Variants in EPB41L4A observed in about 807,000 individuals in gnomAD.
EPB41L4A encodes the protein band 4.1-like protein 4A.
In EPB41L4A, 100 loss-of-function variants were observed where a neutral mutation model predicts 108.6. The ratio of observed to expected loss-of-function variants is 0.92; its 90% CI spans 0.78 to 1.09. The LOEUF is 1.09. EPB41L4A is among the 50% of genes least tolerant of loss of function. EPB41L4A has a pLI of 0.00. For synonymous variants in EPB41L4A, 319 were observed against 289.0 expected (o/e 1.10, Z -1.05); for missense variants, 1,030 against 842.7 (o/e 1.22, Z -2.75).
rs186624771 is a variant in EPB41L4A, at chr5:112,243,107, C to T, written c.796-2297G>A. Among the ~76,000 whole-genome samples the T allele has an allele frequency of 6.1e-4, 93 of 151,536 alleles. No homozygotes were observed. In the East Asian group the frequency reaches 0.016, roughly 27 times the overall value. ...CAGGCGCCTGTAATCCCAGCTATTT[C>T]GGAGGCTGAGACAGGAGAATGGCTT... On this transcript the variant is annotated intron_variant, in intron 9 of 22. Transcript: ENST00000261486.
In EPB41L4A at chr5:112,266,330, T is replaced by C. The variant is rs1181763076; in HGVS notation, c.336A>G (p.Arg112=). ...GCTTCACCTGCAAGAAAAACTGATA[T>C]CTAAAAGAGAAACAAAAAGAGAGAT... ...DPCKLKEEIT[R]YQFFLQVKQD... is the part of the protein sequence containing the mutation. Residue 112 remains arginine (R), a splice_region_variant and synonymous_variant, in exon 5 of 23, where the codon AGA becomes AGG. Transcript: ENST00000261486. 8.8e-6 allele frequency: 14 copies of C among 1,588,992 alleles called. No individual in the cohort carries two copies. The highest frequency in any genetic ancestry group is 6.9e-5 in the South Asian group (6 of 86,866).
intron 9 of EPB41L4A, among the ~76,000 whole-genome samples, chr5:112,252,176 C>G (rs1036804433): frequency 2.0e-5 from 3 of 152,094 alleles, no homozygotes; most frequent in Non-Finnish European, 4.4e-5. Context: ...GCTGTGAACT[C>G]CTGATTTCTA....
intron 2 of EPB41L4A, among the ~76,000 whole-genome samples, chr5:112,284,724 G>A (rs575381917): frequency 1.3e-5 from 2 of 152,082 alleles, no homozygotes; most frequent in Admixed American, 6.5e-5. Context: ...CAGTCCTCTC[G>A]GACTCTGCCC....
intron 15 of EPB41L4A, among the ~76,000 whole-genome samples, chr5:112,203,321 A>ACTCCAGC (rs1245687241): frequency 6.6e-6 from 1 of 152,086 alleles, no homozygotes; most frequent in Non-Finnish European, 1.5e-5. Flanking sequence ...ATGCCACTAC[A>ACTCCAGC]CTCCAGCCTG....
At chr5:112,182,737 C>A (rs1248268621) in intron 18 of EPB41L4A, among the ~76,000 whole-genome samples, 3 of 151,850 alleles carry the variant, frequency 2.0e-5, no homozygotes, top group Non-Finnish European at 4.4e-5. Flanking sequence ...GGGTTCTGCA[C>A]CTTTTGGGTA....
At position 112,163,401 on chromosome 5, in the gene EPB41L4A, C is replaced by T. The variant is rs1211115129; in HGVS notation, c.*1589G>A. On this transcript the variant is annotated 3_prime_UTR_variant, in exon 23 of 23. Transcript: ENST00000261486. ...CAGTAGTCTAAACTACAGAAATAAA[C>T]CTTAAGGCCATGGGTATAAATGAGA... 1 of 152,140 alleles carries T rather than the reference C, an allele frequency of 6.6e-6. No individual in the cohort carries two copies. Among genetic ancestry groups the T allele is most frequent in the Non-Finnish European group, 1.5e-5 (1 of 68,026 alleles). 9.4% of individuals were successfully genotyped at this position (152,140 alleles called of 1,614,324 possible).
chr5:112,256,950 C>T (rs555578900), intron 9 of EPB41L4A: 1 of 152,194 alleles, frequency 6.6e-6, no homozygotes, highest in East Asian at 1.9e-4. Context: ...AACAACAGTA[C>T]TTATTTGGAA....
chr5:112,412,074 G>A (rs889953361), intron 1 of EPB41L4A, among the ~76,000 whole-genome samples: 13 of 152,168 alleles, frequency 8.5e-5, no homozygotes, highest in Non-Finnish European at 1.6e-4. Flanking sequence ...CTCAGAAGGT[G>A]TCGTTCCTAA....
chr5:112,352,937 GCTT>G (rs1218338860), intron 1 of EPB41L4A, among the ~76,000 whole-genome samples: 7 of 152,158 alleles, frequency 4.6e-5, no homozygotes, highest in African/African-American at 9.7e-5. Flanking sequence ...TACAGTAACA[GCTT>G]CTTCTTCCAA....
At chr5:112,308,713 A>G (rs1754848226) in intron 1 of EPB41L4A, among the ~76,000 whole-genome samples, 1 of 152,190 alleles carries the variant, frequency 6.6e-6, no homozygotes, top group Admixed American at 6.5e-5. Context: ...TCATGTACCC[A>G]TGTATTTCTC....
chr5:112,236,701 CA>C (rs1749361366), intron 11 of EPB41L4A, among the ~76,000 whole-genome samples: 3 of 152,148 alleles, frequency 2.0e-5, no homozygotes, highest in African/African-American at 7.2e-5. Flanking sequence ...TGCTGAGTGG[CA>C]CTGCCAGCAG....
chr5:112,211,968 C>T (rs377519606), intron 12 of EPB41L4A, among the ~76,000 whole-genome samples: 1 of 152,170 alleles, frequency 6.6e-6, no homozygotes, highest in African/African-American at 2.4e-5. Context: ...TGAGCAACAT[C>T]CAGAAGCCAG....
intron 1 of EPB41L4A, among the ~76,000 whole-genome samples, chr5:112,404,421 T>C (rs1350643449): frequency 2.6e-5 from 4 of 152,192 alleles, no homozygotes; most frequent in Admixed American, 6.5e-5. Flanking sequence ...TTTTTAAAAA[T>C]CTATGGCACC....
chr5:112,339,487 T>TCTATATAG (rs1561585035), intron 1 of EPB41L4A, among the ~76,000 whole-genome samples: 9 of 28,906 alleles, frequency 3.1e-4, no homozygotes, highest in Admixed American at 1.1e-3. Flanking sequence ...TATATATATA[T>TCTATATAG]ATATATATCT....
intron 1 of EPB41L4A, among the ~76,000 whole-genome samples, chr5:112,414,816 G>A (rs1762613453): frequency 6.6e-6 from 1 of 152,050 alleles, no homozygotes; most frequent in African/African-American, 2.4e-5. Flanking sequence ...ATCTTATGCG[G>A]CCACAACCTG....
At position 112,187,001 on chromosome 5, in the gene EPB41L4A, G is replaced by A. The variant is rs1761462483; in HGVS notation, c.1503-2866C>T. Among the ~76,000 whole-genome samples, 3 of 152,080 alleles carry A rather than the reference G, an allele frequency of 2.0e-5. No homozygotes were observed. In the South Asian group the frequency reaches 6.2e-4, roughly 32 times the overall value. Reference sequence around the variant, plus strand: ...AAGTCTCATTTATTCTCAGGTATGGGGGATCCAAATAGTTTTTTGCTCCTT... The same window carrying A: ...AAGTCTCATTTATTCTCAGGTATGGAGGATCCAAATAGTTTTTTGCTCCTT... On this transcript the variant is annotated intron_variant, in intron 17 of 22. Transcript: ENST00000261486.
chr5:112,415,844 G>C (rs1158127642), intron 1 of EPB41L4A, among the ~76,000 whole-genome samples: 1 of 152,146 alleles, frequency 6.6e-6, no homozygotes, highest in African/African-American at 2.4e-5. Context: ...CTCGGATAAG[G>C]TTCAAACTGT....
At chr5:112,345,304 T>A (rs1012664199) in intron 1 of EPB41L4A, among the ~76,000 whole-genome samples, 19 of 152,306 alleles carry the variant, frequency 1.2e-4, no homozygotes, top group African/African-American at 4.6e-4. Context: ...TCAACCTAAA[T>A]ATGAAATAAT....
rs10478082 is a variant in EPB41L4A at position 112,372,515 on chromosome 5, A to T, written c.99+46426T>A. On this transcript the variant is annotated intron_variant, in intron 1 of 22. Coordinates refer to ENST00000261486, the MANE Select transcript of EPB41L4A (RefSeq NM_022140.5). ...GATAGCTGAACTGAGAGCACTAATC[A>T]TAAGAGAAGGAGAATCTTCCAGACA... Among the ~76,000 whole-genome samples the T allele has an allele frequency of 7.7e-4, 118 of 152,330 alleles. 4 individuals carry two copies. The South Asian group carries it at 0.024, about 30-fold the overall frequency.
Sources: allele counts gnomAD v4.1 joint callset (sites outside exome capture counted in the v4.1 genomes callset), GRCh38; gene constraint gnomAD v4.1.1; transcripts MANE v1.5; gene names NCBI Gene and HGNC (gene_info 2026-07-23, HGNC 2026-07-21).